APBB2: variants seen among roughly 807,000 people sequenced by gnomAD.
APBB2 encodes the protein Fe65-like 1.
APBB2 carries 38 observed loss-of-function variants against 82.5 expected under a neutral mutation model. That is an observed-to-expected ratio of 0.46 (90% CI 0.36 to 0.60). APBB2 has a LOEUF of 0.60. Ranked by LOEUF, APBB2 falls within the 20% of genes least tolerant of loss-of-function variation. The probability of loss-of-function intolerance (pLI) is 0.00; values close to 1 mark genes in which losing one functional copy is unlikely to be tolerated. For missense variants in APBB2, 772 were observed against 972.3 expected (o/e 0.79, Z 2.74); for synonymous variants, 341 against 368.2 (o/e 0.93, Z 0.85).
At chr4:41,042,120 A>G (rs1308022145) in intron 4 of APBB2, among the ~76,000 whole-genome samples, 1 of 152,002 alleles carries the variant, frequency 6.6e-6, no homozygotes, top group Non-Finnish European at 1.5e-5. Flanking sequence ...CCTCCTGAGT[A>G]GCTGGGACTA....
intron 1 of APBB2, among the ~76,000 whole-genome samples, chr4:41,172,096 T>C (rs114527430): frequency 0.019 from 2,948 of 152,192 alleles, 90 homozygotes; most frequent in African/African-American, 0.068. Flanking sequence ...CGAGACTCCA[T>C]CTCGAAACAA....
At chr4:41,187,717 TTTA>T (rs1007385042) in intron 1 of APBB2, among the ~76,000 whole-genome samples, 2 of 152,242 alleles carry the variant, frequency 1.3e-5, no homozygotes, top group African/African-American at 4.8e-5. Context: ...CCAAGAGTTA[TTTA>T]TTATTATCAA....
chr4:41,136,496 A>G (rs1206734233), intron 2 of APBB2, among the ~76,000 whole-genome samples: 1 of 152,210 alleles, frequency 6.6e-6, no homozygotes, highest in East Asian at 1.9e-4. Flanking sequence ...TTATCAGTTA[A>G]AAGACTTCCC....
chr4:40,989,585 C>T (rs1801448177), intron 6 of APBB2, among the ~76,000 whole-genome samples: 1 of 151,924 alleles, frequency 6.6e-6, no homozygotes, highest in African/African-American at 2.4e-5. Context: ...AACTAGCTAC[C>T]TATTTGCTTT....
In APBB2 at chr4:40,819,260, A is replaced by C. The variant is rs112176022; in HGVS notation, c.2112+2611T>G. 2.0e-3 allele frequency among the ~76,000 whole-genome samples: 290 copies of C among 143,738 alleles called. 1 individual carries two copies. The highest frequency in any genetic ancestry group is 7.2e-3 in the African/African-American group (276 of 38,264). 94.3% of individuals were successfully genotyped at this position (143,738 alleles called of 152,430 possible). A position where few individuals can be genotyped will look rare whatever the true frequency, so the allele number is the denominator to read the frequency against. Reference sequence around the variant, plus strand: ...AAGTGCAGTGGTGCAATCTCAGCTCACTGCAACCTCCACCCCCAAGTTCAA... The same window carrying C: ...AAGTGCAGTGGTGCAATCTCAGCTCCCTGCAACCTCCACCCCCAAGTTCAA... On this transcript the variant is annotated intron_variant, in intron 17 of 17. Transcript: ENST00000508593.
At chr4:40,819,544 G>C (rs1333625700) in intron 17 of APBB2, among the ~76,000 whole-genome samples, 1 of 151,942 alleles carries the variant, frequency 6.6e-6, no homozygotes, top group African/African-American at 2.4e-5. Flanking sequence ...GGGCATGGTG[G>C]TGCTCCCCTG....
chr4:40,960,582 G>A (rs1307182882), intron 6 of APBB2, among the ~76,000 whole-genome samples: 2 of 151,306 alleles, frequency 1.3e-5, no homozygotes, highest in Non-Finnish European at 2.9e-5. Context: ...TGAGTAGCTG[G>A]GACTACAGGC....
intron 6 of APBB2, among the ~76,000 whole-genome samples, chr4:40,993,786 T>A (rs1802844676): frequency 6.6e-6 from 1 of 152,184 alleles, no homozygotes; most frequent in South Asian, 2.1e-4. Flanking sequence ...TCTTGTTAAA[T>A]GTTAGCCAGA....
intron 6 of APBB2, among the ~76,000 whole-genome samples, chr4:40,969,224 C>T (rs1795379641): frequency 1.3e-5 from 2 of 152,194 alleles, no homozygotes; most frequent in African/African-American, 2.4e-5. Flanking sequence ...TTCAACTTAG[C>T]ATTATAGTTT....
intron 2 of APBB2, among the ~76,000 whole-genome samples, chr4:41,142,119 AACAG>A (rs1320589181): frequency 3.1e-4 from 47 of 152,184 alleles, no homozygotes; most frequent in African/African-American, 1.1e-3. Flanking sequence ...AGACAAAGCC[AACAG>A]ACATTCACTA....
chr4:41,059,251 A>T (rs1479879135), intron 4 of APBB2, among the ~76,000 whole-genome samples: 1 of 152,240 alleles, frequency 6.6e-6, no homozygotes, highest in Non-Finnish European at 1.5e-5. Flanking sequence ...ACCTGAGGTC[A>T]GGAGTTTGAG....
At chr4:40,822,883 A>G (rs1748491921) in intron 16 of APBB2, among the ~76,000 whole-genome samples, 1 of 151,994 alleles carries the variant, frequency 6.6e-6, no homozygotes, top group Admixed American at 6.5e-5. Flanking sequence ...TGGAGCATGG[A>G]GGGTGCAGTG....
chr4:40,997,049 A>T (rs1451979721), intron 6 of APBB2, among the ~76,000 whole-genome samples: 1 of 151,948 alleles, frequency 6.6e-6, no homozygotes. Context: ...GAGATGCCAG[A>T]CCCCTCACCC....
intron 4 of APBB2, among the ~76,000 whole-genome samples, chr4:41,038,089 C>G (rs1000157287): frequency 2.0e-5 from 3 of 151,800 alleles, no homozygotes; most frequent in Non-Finnish European, 4.4e-5. Context: ...TCCACATGTC[C>G]CGTTAATGAA....
chr4:40,993,892 A>G (rs1466916449), intron 6 of APBB2, among the ~76,000 whole-genome samples: 1 of 152,074 alleles, frequency 6.6e-6, no homozygotes, highest in Non-Finnish European at 1.5e-5. Context: ...ATGCTTCTCA[A>G]ATGATGCATA....
intron 1 of APBB2, among the ~76,000 whole-genome samples, chr4:41,152,947 G>C (rs1762636813): frequency 6.6e-6 from 1 of 152,040 alleles, no homozygotes; most frequent in Admixed American, 6.5e-5. Flanking sequence ...ACAATGCTTG[G>C]GACCAGAAGT....
chr4:41,139,027 T>C (rs1451717832), intron 2 of APBB2, among the ~76,000 whole-genome samples: 1 of 152,164 alleles, frequency 6.6e-6, no homozygotes, highest in East Asian at 1.9e-4. Context: ...GATATGGAAG[T>C]ATTAGACTTG....
At chr4:41,028,783 C>T (rs1365585060) in intron 5 of APBB2, among the ~76,000 whole-genome samples, 2 of 152,130 alleles carry the variant, frequency 1.3e-5, no homozygotes, top group Middle Eastern at 3.2e-3. Flanking sequence ...CATGACTTGC[C>T]CAGCTTCTCT....
Position 40,992,362 on chromosome 4 carries a change from G to GGC in APBB2, c.835+21220_835+21221insGC, listed in dbSNP as rs965394215. Reference sequence around the variant, plus strand: ...TTATTTATTTATTTTTGGTAGAGATGGGGGGGGGTCTTTCTATGTTGCCCA... The same window carrying GGC: ...TTATTTATTTATTTTTGGTAGAGATGGCGGGGGGGGTCTTTCTATGTTGCCCA... On this transcript the variant is annotated intron_variant, in intron 6 of 17. Coordinates refer to ENST00000508593, the MANE Select transcript of APBB2 (RefSeq NM_004307.2). Among the ~76,000 whole-genome samples, 12 of 4,190 alleles carry GGC rather than the reference G, an allele frequency of 2.9e-3. No individual in the cohort carries two copies. In the South Asian group the frequency reaches 0.053, roughly 18 times the overall value. The allele number at this position is 4,190 out of a possible 152,430, so 2.7% of individuals were successfully genotyped here.
Sources: gnomAD v4.1 joint callset for allele counts (sites outside exome capture counted in the v4.1 genomes callset) on GRCh38, gnomAD v4.1.1 for gene constraint, MANE v1.5 for transcripts, NCBI Gene and HGNC (gene_info 2026-07-23, HGNC 2026-07-21) for gene names.